The following ELAPOR2 variants were observed in gnomAD, a reference collection of about 807,000 sequenced individuals.
ELAPOR2 encodes endosome-lysosome associated apoptosis and autophagy regulator family member 2.
A neutral mutation model predicts 120.7 loss-of-function variants in ELAPOR2; 89 were observed. That is an observed-to-expected ratio of 0.74 (90% CI 0.62 to 0.88). ELAPOR2 has a LOEUF of 0.88. Among genes scored for constraint, ELAPOR2 ranks in the 40% least tolerant of loss-of-function variants. ELAPOR2 has a pLI of 0.00. For missense variants in ELAPOR2, 1,134 were observed against 1,251.6 expected (o/e 0.91, Z 1.42); for synonymous variants, 444 against 444.9 (o/e 1.00, Z 0.03).
rs529972622 is a variant in ELAPOR2, at chr7:86,906,571, C to T, written c.2558+1099G>A. Reference sequence around the variant, plus strand: ...ATTTCCAATCCTGATGTGACATAAGCAGGACAGGTTAAAATCTCCCAAGGG... The same window carrying T: ...ATTTCCAATCCTGATGTGACATAAGTAGGACAGGTTAAAATCTCCCAAGGG... On this transcript the variant is annotated intron_variant, in intron 18 of 21. Coordinates refer to ENST00000450689, the MANE Select transcript of ELAPOR2 (RefSeq NM_001142749.3). Among the ~76,000 whole-genome samples the T allele has an allele frequency of 2.6e-5, 4 of 152,088 alleles. No homozygotes were observed. In the East Asian group the frequency reaches 7.7e-4, roughly 29 times the overall value.
chr7:86,944,883 A>C lies in ELAPOR2; in HGVS notation c.654+16T>G. 2 of 1,528,194 alleles carry C rather than the reference A, an allele frequency of 1.3e-6. No homozygotes were observed. The highest frequency in any genetic ancestry group is 1.4e-5 in the African/African-American group (1 of 71,618). The allele number at this position is 1,528,194 out of a possible 1,614,324, so 94.7% of individuals were successfully genotyped here. A position where few individuals can be genotyped will look rare whatever the true frequency, so the allele number is the denominator to read the frequency against. On this transcript the variant is annotated intron_variant, in intron 4 of 21. Transcript: ENST00000450689. ...TGTCCCTTAAAAAGTAAATTCCAGA[A>C]TACAAAAGGTCTTACAAAGAACTCA...
Position 86,897,543 on chromosome 7 carries a change from A to C in ELAPOR2, c.2648T>G (p.Phe883Cys). 6.2e-7 allele frequency: 1 copy of C among 1,613,234 alleles called. No individual in the cohort carries two copies. Among genetic ancestry groups the C allele is most frequent in the Non-Finnish European group, 8.5e-7 (1 of 1,179,484 alleles). ...CTTGCAGGCTCCCTCAATCTCATGG[A>C]AGTCATGCTCCGTACACAGAGGGCA... The part of the protein sequence containing the change: ...EACPLCTEHD[F>C]HEIEGACKRG... The change falls in exon 19 of 22, where the codon TTC becomes TGC. Residue 883 changes from phenylalanine to cysteine, a missense_variant. Transcript: ENST00000450689.
At chr7:86,998,519 C>A (rs1371553966) in intron 1 of ELAPOR2, among the ~76,000 whole-genome samples, 1 of 152,160 alleles carries the variant, frequency 6.6e-6, no homozygotes, top group Admixed American at 6.6e-5. Flanking sequence ...CAGTGAAATT[C>A]TTGCATTTTG....
At chr7:86,903,163 A>C (rs759537797) in intron 18 of ELAPOR2, among the ~76,000 whole-genome samples, 6 of 152,178 alleles carry the variant, frequency 3.9e-5, no homozygotes, top group African/African-American at 9.6e-5. Flanking sequence ...TCCTTATCTC[A>C]AAATTGATCT....
intron 2 of ELAPOR2, among the ~76,000 whole-genome samples, chr7:86,959,363 T>C (rs1584396648): frequency 1.3e-5 from 2 of 152,194 alleles, no homozygotes; most frequent in Non-Finnish European, 2.9e-5. Context: ...TTATGTTGAA[T>C]AGAAGTGGTG....
Position 86,913,203 on chromosome 7 carries a change from T to G in ELAPOR2, c.1733A>C (p.Asn578Thr). Residue 578 changes from asparagine (N) to threonine (T), a missense_variant and splice_region_variant, in exon 14 of 22, where the codon AAT (asparagine) becomes ACT (threonine). Physicochemically the swap from Asn to Thr is moderately conservative, Grantham distance 65. This residue lies in a region of ELAPOR2 where 831 missense variants were observed against 867.6 expected (regional missense o/e 0.96). Transcript: ENST00000450689. ...AFQRTNQGQD[N>T]RRFINDMVKI... is the part of the protein sequence containing the mutation. ...CACCATGTCATTGATGAACCGTCTA[T>G]TCTAAAAAAAAGAGCATAAAGTAAT... 2 of 1,612,238 alleles carry G rather than the reference T, an allele frequency of 1.2e-6. No homozygotes were observed. Among genetic ancestry groups the G allele is most frequent in the Non-Finnish European group, 8.5e-7 (1 of 1,178,636 alleles).
At chr7:86,915,056 A>C (rs1789501925) in intron 12 of ELAPOR2, among the ~76,000 whole-genome samples, 196 bp from the exon 13 acceptor site, 1 of 152,114 alleles carries the variant, frequency 6.6e-6, no homozygotes, top group African/African-American at 2.4e-5. Context: ...AGTAATCACA[A>C]TATATCAACC....
In ELAPOR2 at chr7:87,018,349, C is replaced by CTTCTAATT. The variant is rs753046094; in HGVS notation, c.189+40968_189+40975dup. ...CCACCACGCCCGGCCAGAAAAGTCA[C>CTTCTAATT]TTCTAATTCTATATTTAATGAGAGA... is the stretch of plus-strand genomic sequence containing the variant. On this transcript the variant is annotated intron_variant, in intron 1 of 21. Coordinates refer to ENST00000450689, the MANE Select transcript of ELAPOR2 (RefSeq NM_001142749.3). Among the ~76,000 whole-genome samples the CTTCTAATT allele has an allele frequency of 2.9e-3, 434 of 152,170 alleles. 2 individuals carry two copies. Among genetic ancestry groups the CTTCTAATT allele is most frequent in the Non-Finnish European group, 5.1e-3 (344 of 68,008 alleles).
intron 1 of ELAPOR2, among the ~76,000 whole-genome samples, chr7:87,002,236 T>TA: frequency 6.6e-6 from 1 of 152,256 alleles, no homozygotes; most frequent in Non-Finnish European, 1.5e-5. Flanking sequence ...GGATTACACT[T>TA]ATGCACAGTT....
At chr7:87,032,839 G>T (rs1419124462) in intron 1 of ELAPOR2, among the ~76,000 whole-genome samples, 1 of 152,148 alleles carries the variant, frequency 6.6e-6, no homozygotes, top group Non-Finnish European at 1.5e-5. Flanking sequence ...AAGACAGGAG[G>T]ACCAGTGGCT....
At chr7:86,902,840 T>A (rs1261574718) in intron 18 of ELAPOR2, among the ~76,000 whole-genome samples, 1 of 152,160 alleles carries the variant, frequency 6.6e-6, no homozygotes, top group African/African-American at 2.4e-5. Context: ...TTTCGCCCAA[T>A]AAATTCCATA....
chr7:87,055,150 C>T (rs1795223549), intron 1 of ELAPOR2, among the ~76,000 whole-genome samples: 1 of 152,162 alleles, frequency 6.6e-6, no homozygotes, highest in Non-Finnish European at 1.5e-5. Flanking sequence ...GGAACAGGGC[C>T]TAATAATACC....
intron 2 of ELAPOR2, among the ~76,000 whole-genome samples, chr7:86,953,494 A>G (rs1259151584): frequency 2.0e-5 from 3 of 152,192 alleles, no homozygotes; most frequent in Admixed American, 6.5e-5. Flanking sequence ...CTCTATGTCA[A>G]CACTGCTACC....
intron 1 of ELAPOR2, among the ~76,000 whole-genome samples, chr7:86,983,026 A>G (rs1583945816): frequency 6.6e-6 from 1 of 152,232 alleles, no homozygotes; most frequent in South Asian, 2.1e-4. Flanking sequence ...TGGCACGAGA[A>G]TGACGTGACA....
intron 1 of ELAPOR2, among the ~76,000 whole-genome samples, chr7:87,027,069 T>C (rs936240752): frequency 1.3e-5 from 2 of 152,144 alleles, no homozygotes; most frequent in Admixed American, 1.3e-4. Context: ...TGGGGTCAGA[T>C]GTTGGCCTTT....
chr7:87,019,558 T>C (rs1793975967), intron 1 of ELAPOR2, among the ~76,000 whole-genome samples: 1 of 152,144 alleles, frequency 6.6e-6, no homozygotes, highest in Admixed American at 6.5e-5. Flanking sequence ...AAGAAAACAG[T>C]ATCTGGTAAT....
Position 87,021,619 on chromosome 7 carries a change from T to C in ELAPOR2, c.189+37706A>G, listed in dbSNP as rs143772321. 2.3e-3 allele frequency among the ~76,000 whole-genome samples: 353 copies of C among 152,308 alleles called. 1 individual carries two copies. The highest frequency in any genetic ancestry group is 8.1e-3 in the African/African-American group (336 of 41,580). On this transcript the variant is annotated intron_variant, in intron 1 of 21. Transcript: ENST00000450689. ...ATTACAGAAATAGATACAGAATACCTGGTAAGAACATGTATTTTAAAGCTC... is the reference window on the plus strand; with the variant it reads ...ATTACAGAAATAGATACAGAATACCCGGTAAGAACATGTATTTTAAAGCTC...
At chr7:87,037,634 G>A (rs1052077191) in intron 1 of ELAPOR2, among the ~76,000 whole-genome samples, 1 of 152,070 alleles carries the variant, frequency 6.6e-6, no homozygotes, top group African/African-American at 2.4e-5. Flanking sequence ...TCCCTTTTAT[G>A]TTCCTTCATT....
At chr7:86,967,212 C>A (rs752273038) in intron 1 of ELAPOR2, among the ~76,000 whole-genome samples, 70 of 152,254 alleles carry the variant, frequency 4.6e-4, no homozygotes, top group Middle Eastern at 3.4e-3. Flanking sequence ...GTAATCCCAG[C>A]ACTTTGGGAT....
Sources: allele counts gnomAD v4.1 joint callset (sites outside exome capture counted in the v4.1 genomes callset), GRCh38; gene constraint gnomAD v4.1.1; regional missense constraint gnomAD v4.1.1; transcripts MANE v1.5; gene names NCBI Gene and HGNC (gene_info 2026-07-23, HGNC 2026-07-21).